The following PTPN14 variants were observed in gnomAD, a reference collection of about 807,000 sequenced individuals.
PTPN14 encodes tyrosine-protein phosphatase non-receptor type 14.
Under a neutral mutation model 126.8 loss-of-function variants are expected in PTPN14, and 53 were observed. That is an observed-to-expected ratio of 0.42 (90% CI 0.34 to 0.53). The LOEUF (loss-of-function observed/expected upper bound fraction) is 0.53, where lower values mean the gene tolerates loss of function less well. PTPN14 is among the 20% of genes least tolerant of loss of function. The probability of loss-of-function intolerance (pLI) is 0.08; values close to 1 mark genes in which losing one functional copy is unlikely to be tolerated. For missense variants in PTPN14, 1,257 were observed against 1,552.9 expected, an observed-to-expected ratio of 0.81 and a Z score of 3.20; for synonymous variants, 630 against 599.3, an observed-to-expected ratio of 1.05 and a Z score of -0.75.
chr1:214,478,996 A>G (rs1660925001), intron 1 of PTPN14, among the ~76,000 whole-genome samples: 1 of 152,096 alleles, frequency 6.6e-6, no homozygotes, highest in Non-Finnish European at 1.5e-5. Flanking sequence ...TACAAAATGT[A>G]CAAAATAGTA....
chr1:214,370,523 T>C (rs2102519225), intron 16 of PTPN14, among the ~76,000 whole-genome samples: 1 of 152,288 alleles, frequency 6.6e-6, no homozygotes, highest in South Asian at 2.1e-4. Context: ...CTCTTTCTGT[T>C]ACAGCACACT....
In PTPN14 at chr1:214,430,463, G is replaced by T. The variant is rs575698604; in HGVS notation, c.345-15737C>A. On this transcript the variant is annotated intron_variant, in intron 3 of 18. Coordinates refer to ENST00000366956, the MANE Select transcript of PTPN14 (RefSeq NM_005401.5). ...AGATGCTTCTGTGAAGGTATTTTTT[G>T]ATGAGATTAACACATTTAAATCAGT... is the stretch of plus-strand genomic sequence containing the variant. Among the ~76,000 whole-genome samples, 33 of 152,236 alleles carry T rather than the reference G, an allele frequency of 2.2e-4. 1 individual carries two copies. Among genetic ancestry groups the T allele is most frequent in the Non-Finnish European group, 4.3e-4 (29 of 68,018 alleles).
intron 1 of PTPN14, among the ~76,000 whole-genome samples, chr1:214,512,474 C>T (rs1655001544): frequency 6.6e-6 from 1 of 152,136 alleles, no homozygotes; most frequent in African/African-American, 2.4e-5. Context: ...CTGTATGATT[C>T]CATTTATATG....
At chr1:214,455,853 A>G (rs1660369899) in intron 2 of PTPN14, among the ~76,000 whole-genome samples, 1 of 152,130 alleles carries the variant, frequency 6.6e-6, no homozygotes, top group Admixed American at 6.6e-5. Flanking sequence ...TTTTGGTATT[A>G]TGGAAAGATT....
In PTPN14 at chr1:214,355,973, TTTTTG is replaced by T. The variant is rs1482521883; in HGVS notation, c.*1944_*1948del. On this transcript the variant is annotated 3_prime_UTR_variant, in exon 19 of 19. Coordinates refer to ENST00000366956, the MANE Select transcript of PTPN14 (RefSeq NM_005401.5). Reference sequence around the variant, plus strand: ...AACCTTTTTTCCTTTTTTTTTTTTTTTTTTGGAGGCAGGGTCTCTCCGTAGCCCAG... The same window carrying T: ...AACCTTTTTTCCTTTTTTTTTTTTTTGAGGCAGGGTCTCTCCGTAGCCCAG... 6.7e-6 allele frequency: 1 copy of T among 150,092 alleles called. No individual in the cohort carries two copies. Among genetic ancestry groups the T allele is most frequent in the Non-Finnish European group, 1.5e-5 (1 of 67,566 alleles). 9.3% of individuals were successfully genotyped at this position (150,092 alleles called of 1,614,324 possible).
chr1:214,384,392 G>A lies in PTPN14; in HGVS notation c.1463C>T (p.Pro488Leu), dbSNP rs144475962. The change falls in exon 13 of 19, where the codon CCG becomes CTG. Residue 488 changes from proline (P) to leucine (L), a missense_variant. Pro to Leu is a moderately conservative substitution (Grantham distance 98). Coordinates refer to ENST00000366956, the MANE Select transcript of PTPN14 (RefSeq NM_005401.5). This position sits in a 1 kb window ranked among gnomAD's most constrained non-coding sequence, Gnocchi z 5.3. ...GTAGGGGTGCCTCTCCCGCATCTCC[G>A]GTTGGCTGTACACCAGATCCTCTGG... Reference protein sequence around the residue: ...NQPEDLVYSQPEMRERHPYTV... With the variant: ...NQPEDLVYSQLEMRERHPYTV... 36 of 1,614,016 alleles carry A rather than the reference G, an allele frequency of 2.2e-5. No individual in the cohort carries two copies. Among genetic ancestry groups the A allele is most frequent in the African/African-American group, 6.7e-5 (5 of 74,896 alleles).
chr1:214,383,366 A>G lies in PTPN14; in HGVS notation c.2489T>C (p.Val830Ala). Residue 830 changes from valine (V) to alanine (A), a missense_variant, in exon 13 of 19, where the codon GTG becomes GCG. Around this residue, in one of 3 missense-constraint regions of PTPN14, gnomAD observed 1,021 missense variants for 1,183.3 expected, o/e 0.86. Transcript: ENST00000366956. This position sits in a 1 kb window ranked among gnomAD's most constrained non-coding sequence, Gnocchi z 4.4. ...VKKEPVKERP[V>A]SEMFSLEDSI... ...GTCTTCCAGGGAAAACATTTCAGAC[A>G]CAGGTCTCTCCTTCACAGGCTCTTT... 2 of 1,614,142 alleles carry G rather than the reference A, an allele frequency of 1.2e-6. No homozygotes were observed. The highest frequency in any genetic ancestry group is 1.7e-6 in the Non-Finnish European group (2 of 1,180,022).
intron 1 of PTPN14, among the ~76,000 whole-genome samples, chr1:214,466,182 G>C (rs1160762869): frequency 6.6e-6 from 1 of 151,134 alleles, no homozygotes; most frequent in Non-Finnish European, 1.5e-5. Flanking sequence ...GGCTGGTCTT[G>C]AACTCCTGAA....
chr1:214,428,095 G>A (rs1165729496), intron 3 of PTPN14, among the ~76,000 whole-genome samples: 3 of 152,200 alleles, frequency 2.0e-5, no homozygotes, highest in African/African-American at 4.8e-5. Flanking sequence ...TTACAAGATG[G>A]TACTGGCTGC....
intron 2 of PTPN14, among the ~76,000 whole-genome samples, chr1:214,458,915 G>C (rs6685434): frequency 0.83 from 126,003 of 152,020 alleles, 52,330 homozygotes; most frequent in African/African-American, 0.89. Flanking sequence ...ACCCACTGAT[G>C]CAGACATATT....
rs573426130 is a variant in PTPN14, at chr1:214,489,752, G to C, written c.-154-24795C>G. Among the ~76,000 whole-genome samples the C allele has an allele frequency of 5.9e-5, 9 of 152,248 alleles. No homozygotes were observed. In the East Asian group the frequency reaches 1.7e-3, roughly 29 times the overall value. ...GCAGCAGGCATCACATCACTGTGTT[G>C]GCTGACTGAACAAATGCATGAGAAA... On this transcript the variant is annotated intron_variant, in intron 1 of 18. Transcript: ENST00000366956.
At chr1:214,502,564 G>A (rs114028289) in intron 1 of PTPN14, among the ~76,000 whole-genome samples, 270 of 151,978 alleles carry the variant, frequency 1.8e-3, no homozygotes, top group African/African-American at 6.3e-3. Context: ...TCACTATGTT[G>A]CCCAGGCTGG....
At chr1:214,463,307 T>C (rs7527320) in intron 2 of PTPN14, among the ~76,000 whole-genome samples, 125,561 of 151,622 alleles carry the variant, frequency 0.83, 52,092 homozygotes, top group African/African-American at 0.89. Context: ...TGTATCCTAA[T>C]GTGATACCAA....
rs1449042633 is a variant in PTPN14, at chr1:214,464,633, T to C, written c.171A>G (p.Arg57=). 15 of 1,613,992 alleles carry C rather than the reference T, an allele frequency of 9.3e-6. No homozygotes were observed. The highest frequency in any genetic ancestry group is 1.7e-5 in the Admixed American group (1 of 60,018). The change falls in exon 2 of 19, where the codon CGA becomes CGG. Residue 57 remains arginine, a synonymous_variant. Coordinates refer to ENST00000366956, the MANE Select transcript of PTPN14 (RefSeq NM_005401.5). ...LEAVAQRLEL[R]ETHYFGLWFL... The stretch of plus-strand genomic sequence containing the variant: ...CACACAGACACACCCCTCTTACCTC[T>C]CGCAGCTCCAGCCTCTGGGCCACAG...
At chr1:214,544,270 AT>A (rs1256359359) in intron 1 of PTPN14, among the ~76,000 whole-genome samples, 3 of 151,844 alleles carry the variant, frequency 2.0e-5, no homozygotes, top group Non-Finnish European at 2.9e-5. Flanking sequence ...CTGTACAAAA[AT>A]TTTTTAAAAA....
chr1:214,392,146 G>A (rs555620351), intron 10 of PTPN14, among the ~76,000 whole-genome samples: 6 of 152,188 alleles, frequency 3.9e-5, no homozygotes, highest in East Asian at 1.9e-4. Context: ...CCATAACATC[G>A]TGCTGGGACG....
At chr1:214,415,809 C>T (rs916817960) in intron 3 of PTPN14, among the ~76,000 whole-genome samples, 1 of 152,174 alleles carries the variant, frequency 6.6e-6, no homozygotes, top group Admixed American at 6.5e-5. Flanking sequence ...AGGATAAAGA[C>T]AGCCATACCA....
At chr1:214,519,033 C>G (rs1367241370) in intron 1 of PTPN14, among the ~76,000 whole-genome samples, 2 of 152,116 alleles carry the variant, frequency 1.3e-5, no homozygotes, top group Admixed American at 1.3e-4. Flanking sequence ...CTTTGGGAGT[C>G]CAAGGCAAGC....
At chr1:214,500,513 G>A (rs1266778440) in intron 1 of PTPN14, among the ~76,000 whole-genome samples, 2 of 152,122 alleles carry the variant, frequency 1.3e-5, no homozygotes, top group East Asian at 3.9e-4. Flanking sequence ...TTGGTGAACT[G>A]ACAGCTCTTT....
Sources: gnomAD v4.1 joint callset for allele counts (sites outside exome capture counted in the v4.1 genomes callset) on GRCh38, gnomAD v4.1.1 for gene constraint, gnomAD v4.1.1 regional missense constraint, Gnocchi (gnomAD v3.1) non-coding constraint, MANE v1.5 for transcripts, NCBI Gene and HGNC (gene_info 2026-07-23, HGNC 2026-07-21) for gene names.